Variants in CDH8 observed in about 807,000 individuals in gnomAD.
The protein encoded by CDH8 is cadherin-8.
Under a neutral mutation model 68.1 loss-of-function variants are expected in CDH8, and 17 were observed. That is an observed-to-expected ratio of 0.25 (90% CI 0.17 to 0.37). The LOEUF is 0.37. Among genes scored for constraint, CDH8 ranks in the 10% least tolerant of loss-of-function variants. CDH8 has a pLI of 1.00. For synonymous variants in CDH8, 372 were observed against 365.1 expected, an observed-to-expected ratio of 1.02 and a Z score of -0.21; for missense variants, 763 against 999.3, an observed-to-expected ratio of 0.76 and a Z score of 3.19.
chr16:61,796,238 T>C (rs1961498877), intron 7 of CDH8, among the ~76,000 whole-genome samples: 1 of 152,094 alleles, frequency 6.6e-6, no homozygotes, highest in African/African-American at 2.4e-5. Context: ...TTGAAAAGGC[T>C]AATGAGTTTT....
At chr16:61,818,935 CT>C (rs34723976) in intron 6 of CDH8, among the ~76,000 whole-genome samples, 3,087 of 127,540 alleles carry the variant, frequency 0.024, 32 homozygotes, top group Middle Eastern at 0.056. Flanking sequence ...GACTTGGCTC[CT>C]TTTTTTTTTT....
intron 10 of CDH8, among the ~76,000 whole-genome samples, chr16:61,710,106 G>A (rs193235113): frequency 3.9e-5 from 6 of 152,210 alleles, no homozygotes; most frequent in South Asian, 2.1e-4. Flanking sequence ...TTATTGTTGC[G>A]TGTTTTTCTA....
At chr16:61,961,515 A>T (rs1232255654) in intron 2 of CDH8, among the ~76,000 whole-genome samples, 1 of 151,744 alleles carries the variant, frequency 6.6e-6, no homozygotes, top group Non-Finnish European at 1.5e-5. Context: ...TTTTCCTTAG[A>T]TCTGCCCAGC....
At chr16:61,800,331 A>G (rs1961593327) in intron 7 of CDH8, among the ~76,000 whole-genome samples, 1 of 152,216 alleles carries the variant, frequency 6.6e-6, no homozygotes, top group East Asian at 1.9e-4. Context: ...CAATTAAACA[A>G]ATGCAAAATG....
chr16:61,937,312 A>G (rs1964642877), intron 2 of CDH8, among the ~76,000 whole-genome samples: 1 of 152,184 alleles, frequency 6.6e-6, no homozygotes. Flanking sequence ...TTTCTACCAT[A>G]GGAAAGATCT....
At chr16:61,729,220 C>T (rs1391468675) in intron 8 of CDH8, among the ~76,000 whole-genome samples, 1 of 150,916 alleles carries the variant, frequency 6.6e-6, no homozygotes, top group Non-Finnish European at 1.5e-5. Context: ...TTTTGCTCTT[C>T]CAGACATAAG....
At chr16:61,762,216 C>T (rs1029176223) in intron 8 of CDH8, among the ~76,000 whole-genome samples, 7 of 152,022 alleles carry the variant, frequency 4.6e-5, no homozygotes, top group African/African-American at 2.4e-5. Flanking sequence ...CACATATACT[C>T]GCAATGCATA....
chr16:61,893,400 A>ATG (rs886756278), intron 3 of CDH8, among the ~76,000 whole-genome samples: 8 of 147,736 alleles, frequency 5.4e-5, no homozygotes, highest in East Asian at 2.0e-4. Context: ...GTACAGGTAG[A>ATG]TGTGTGTGTG....
At chr16:61,988,056 T>G (rs1032079041) in intron 2 of CDH8, among the ~76,000 whole-genome samples, 2 of 152,206 alleles carry the variant, frequency 1.3e-5, no homozygotes, top group East Asian at 3.9e-4. Context: ...TAAAATTTTT[T>G]GTTTAACAAA....
At chr16:61,758,945 T>C (rs1314184019) in intron 8 of CDH8, among the ~76,000 whole-genome samples, 1 of 152,114 alleles carries the variant, frequency 6.6e-6, no homozygotes, top group Non-Finnish European at 1.5e-5. Context: ...CTGACTTTGG[T>C]GACGCCATTG....
chr16:61,770,596 C>T (rs1314476350), intron 8 of CDH8, among the ~76,000 whole-genome samples: 1 of 151,946 alleles, frequency 6.6e-6, no homozygotes, highest in African/African-American at 2.4e-5. Context: ...ATATCCAAAA[C>T]TTCCTGGATG....
intron 8 of CDH8, among the ~76,000 whole-genome samples, chr16:61,770,097 G>A (rs572242339): frequency 3.3e-5 from 5 of 151,786 alleles, no homozygotes; most frequent in East Asian, 3.9e-4. Flanking sequence ...CTTGTGTCCC[G>A]GCTTTCCTGA....
intron 4 of CDH8, among the ~76,000 whole-genome samples, chr16:61,848,768 CATT>C (rs1962874988): frequency 6.6e-6 from 1 of 152,060 alleles, no homozygotes; most frequent in African/African-American, 2.4e-5. Context: ...TCATTATCAT[CATT>C]TATTTTGGGC....
At chr16:61,853,123 C>T (rs1032477573) in intron 4 of CDH8, among the ~76,000 whole-genome samples, 2 of 151,990 alleles carry the variant, frequency 1.3e-5, no homozygotes, top group Non-Finnish European at 1.5e-5. Context: ...TGTTAAAGCT[C>T]AAAGAAGAAA....
chr16:62,009,035 A>C (rs560443196), intron 2 of CDH8, among the ~76,000 whole-genome samples: 113 of 145,278 alleles, frequency 7.8e-4, no homozygotes, highest in African/African-American at 1.5e-3. Flanking sequence ...CACACACAAA[A>C]AAAAAAAAAA....
intron 7 of CDH8, among the ~76,000 whole-genome samples, chr16:61,793,656 A>G (rs1961434403): frequency 6.6e-6 from 1 of 151,890 alleles, no homozygotes; most frequent in African/African-American, 2.4e-5. Context: ...TCTATTGTTG[A>G]TGGGCATTTC....
At chr16:61,790,856 T>C (rs1451808334) in intron 7 of CDH8, among the ~76,000 whole-genome samples, 1 of 151,900 alleles carries the variant, frequency 6.6e-6, no homozygotes, top group Admixed American at 6.6e-5. Flanking sequence ...AGTTACTAGT[T>C]AGATAGCTAG....
At chr16:61,953,917 AT>A (rs1964938807) in intron 2 of CDH8, among the ~76,000 whole-genome samples, 6 of 142,960 alleles carry the variant, frequency 4.2e-5, no homozygotes, top group South Asian at 2.1e-4. Flanking sequence ...ATATATATAT[AT>A]ATATATATAA....
intron 8 of CDH8, among the ~76,000 whole-genome samples, chr16:61,761,522 A>C (rs1052316143): frequency 2.0e-5 from 3 of 152,168 alleles, no homozygotes; most frequent in Admixed American, 2.0e-4. Context: ...ACCTCCCTTA[A>C]TGGTAGGCAG....
Sources: gnomAD v4.1 joint callset for allele counts (sites outside exome capture counted in the v4.1 genomes callset) on GRCh38, gnomAD v4.1.1 for gene constraint, MANE v1.5 for transcripts, NCBI Gene and HGNC (gene_info 2026-07-23, HGNC 2026-07-21) for gene names.